CNTN3: variants seen among roughly 807,000 people sequenced by gnomAD.
CNTN3 encodes contactin-3.
CNTN3 carries 60 observed loss-of-function variants against 119.1 expected under a neutral mutation model. That is an observed-to-expected ratio of 0.50 (90% CI 0.41 to 0.62). CNTN3 has a LOEUF of 0.62. Ranked by LOEUF, CNTN3 falls within the 20% of genes least tolerant of loss-of-function variation. CNTN3 has a pLI of 0.00. For missense variants in CNTN3, 1,101 were observed against 1,242.4 expected, an observed-to-expected ratio of 0.89 and a Z score of 1.71; for synonymous variants, 450 against 438.7, an observed-to-expected ratio of 1.03 and a Z score of -0.32.
intron 1 of CNTN3, among the ~76,000 whole-genome samples, chr3:74,531,325 T>C (rs1010356955): frequency 1.1e-4 from 16 of 151,838 alleles, no homozygotes; most frequent in African/African-American, 3.9e-4. Flanking sequence ...AGAGAAGAAC[T>C]CCCATAACAG....
chr3:74,355,121 C>G (rs1333704752), intron 11 of CNTN3, among the ~76,000 whole-genome samples: 1 of 152,036 alleles, frequency 6.6e-6, no homozygotes, highest in Non-Finnish European at 1.5e-5. Flanking sequence ...CAACCAATCC[C>G]AAACTGAACT....
At chr3:74,405,156 A>G (rs537013484) in intron 5 of CNTN3, among the ~76,000 whole-genome samples, 9 of 152,044 alleles carry the variant, frequency 5.9e-5, no homozygotes, top group Non-Finnish European at 1.0e-4. Context: ...CTATATTTTT[A>G]TCTTAGTACC....
intron 4 of CNTN3, among the ~76,000 whole-genome samples, chr3:74,425,723 C>T (rs13079311): frequency 0.59 from 90,262 of 151,978 alleles, 29,486 homozygotes; most frequent in East Asian, 0.79. Context: ...CCTCCTAAAA[C>T]ATTTTATCAT....
At chr3:74,365,177 A>G (rs985598810) in intron 9 of CNTN3, among the ~76,000 whole-genome samples, 4 of 152,122 alleles carry the variant, frequency 2.6e-5, no homozygotes, top group African/African-American at 9.7e-5. Flanking sequence ...GTACTTACAT[A>G]ACAAGGTAAC....
chr3:74,329,148 G>C (rs1030767747), intron 13 of CNTN3, among the ~76,000 whole-genome samples: 1 of 152,022 alleles, frequency 6.6e-6, no homozygotes, highest in Admixed American at 6.6e-5. Context: ...ATCACACAAA[G>C]GATCAATTTC....
At chr3:74,354,583 C>G (rs540628390) in intron 11 of CNTN3, among the ~76,000 whole-genome samples, 1 of 152,106 alleles carries the variant, frequency 6.6e-6, no homozygotes, top group South Asian at 2.1e-4. Context: ...AACATTGACA[C>G]CTGGTGAAAT....
intron 4 of CNTN3, among the ~76,000 whole-genome samples, chr3:74,472,647 T>C (rs993999518): frequency 1.3e-5 from 2 of 152,220 alleles, no homozygotes; most frequent in African/African-American, 4.8e-5. Flanking sequence ...CACAACTTTC[T>C]AATGAGACCA....
chr3:74,349,118 G>T (rs1703759289), intron 11 of CNTN3, among the ~76,000 whole-genome samples: 1 of 151,484 alleles, frequency 6.6e-6, no homozygotes, highest in African/African-American at 2.4e-5. Context: ...AGAGTGATTT[G>T]TTATGCAGCA....
At chr3:74,345,137 T>C (rs1393264826) in intron 11 of CNTN3, among the ~76,000 whole-genome samples, 2 of 152,164 alleles carry the variant, frequency 1.3e-5, no homozygotes, top group Non-Finnish European at 2.9e-5. Context: ...TGAAACAAAA[T>C]GGTAATGTTG....
rs143402157 is a variant in CNTN3 at position 74,501,705 on chromosome 3, T to A, written c.56-1920A>T. Among the ~76,000 whole-genome samples, 43 of 151,644 alleles carry A rather than the reference T, an allele frequency of 2.8e-4. 1 individual carries two copies. The East Asian group carries it at 7.5e-3, about 26-fold the overall frequency. On this transcript the variant is annotated intron_variant, in intron 2 of 22. Coordinates refer to ENST00000263665, the MANE Select transcript of CNTN3 (RefSeq NM_020872.3). ...AATTAGCCCTTACTAATCCCCACCA[T>A]CCTTTGAGAAAGCAGCTTGCTATCC...
intron 4 of CNTN3, among the ~76,000 whole-genome samples, chr3:74,481,302 AT>A (rs11330434): frequency 0.11 from 16,868 of 151,760 alleles, 923 homozygotes; most frequent in Non-Finnish European, 0.11. Flanking sequence ...GAGAATATCC[AT>A]TTTTTTAAGG....
chr3:74,358,688 A>C (rs1477974544), intron 11 of CNTN3, among the ~76,000 whole-genome samples: 2 of 150,186 alleles, frequency 1.3e-5, no homozygotes, highest in African/African-American at 4.9e-5. Context: ...TATACATGTG[A>C]CATGCTGGTG....
intron 11 of CNTN3, among the ~76,000 whole-genome samples, chr3:74,355,278 G>T (rs1283077707): frequency 6.6e-6 from 1 of 152,066 alleles, no homozygotes; most frequent in Non-Finnish European, 1.5e-5. Flanking sequence ...TAATCAACAG[G>T]TCTTGTTGAT....
At chr3:74,315,311 G>T (rs146783366) in intron 13 of CNTN3, among the ~76,000 whole-genome samples, 2 of 152,140 alleles carry the variant, frequency 1.3e-5, no homozygotes, top group Non-Finnish European at 2.9e-5. Context: ...TTATCCAGCA[G>T]ATCTCGAGGC....
chr3:74,592,568 G>T (rs1704722097), intron 1 of CNTN3, among the ~76,000 whole-genome samples: 1 of 151,866 alleles, frequency 6.6e-6, no homozygotes, highest in Non-Finnish European at 1.5e-5. Context: ...TAGTTCCTCA[G>T]ACTTCAGAAA....
At chr3:74,394,198 T>C (rs1027294755) in intron 5 of CNTN3, among the ~76,000 whole-genome samples, 1 of 152,186 alleles carries the variant, frequency 6.6e-6, no homozygotes, top group African/African-American at 2.4e-5. Flanking sequence ...TCTTCTTGTT[T>C]ATTAAGGTGA....
chr3:74,303,327 C>T (rs1299725791), intron 13 of CNTN3, among the ~76,000 whole-genome samples: 1 of 152,104 alleles, frequency 6.6e-6, no homozygotes, highest in East Asian at 1.9e-4. Context: ...TCCTTGGCTG[C>T]AGAAGTTAGG....
At chr3:74,582,356 A>G (rs1704525469) in intron 1 of CNTN3, among the ~76,000 whole-genome samples, 3 of 152,106 alleles carry the variant, frequency 2.0e-5, no homozygotes, top group African/African-American at 4.8e-5. Flanking sequence ...CAGTGAGCCA[A>G]GATCACGCCA....
chr3:74,374,092 G>A (rs966986946), intron 5 of CNTN3, among the ~76,000 whole-genome samples: 1 of 152,068 alleles, frequency 6.6e-6, no homozygotes, highest in African/African-American at 2.4e-5. Context: ...CCTGCCCCAT[G>A]AAGGATTTCT....
Sources: allele counts gnomAD v4.1 joint callset (sites outside exome capture counted in the v4.1 genomes callset), GRCh38; gene constraint gnomAD v4.1.1; transcripts MANE v1.5; gene names NCBI Gene and HGNC (gene_info 2026-07-23, HGNC 2026-07-21).